Variants in CDH18 observed in about 807,000 individuals in gnomAD.
The protein encoded by CDH18 is cadherin 18.
A neutral mutation model predicts 67.9 loss-of-function variants in CDH18; 31 were observed. The observed-to-expected ratio is 0.46, with a 90% CI of 0.34 to 0.62. CDH18 has a LOEUF of 0.62. CDH18 is among the 20% of genes least tolerant of loss of function. The pLI is 0.01. For missense variants in CDH18, 890 were observed against 975.5 expected (o/e 0.91, Z 1.17); for synonymous variants, 362 against 347.2 (o/e 1.04, Z -0.48).
intron 2 of CDH18, among the ~76,000 whole-genome samples, chr5:19,852,629 C>T (rs975642084): frequency 6.6e-6 from 1 of 151,914 alleles, no homozygotes; most frequent in Non-Finnish European, 1.5e-5. Context: ...TAGTATAAGC[C>T]ATGGCATACC....
At chr5:19,861,886 T>C (rs1784947570) in intron 2 of CDH18, among the ~76,000 whole-genome samples, 1 of 152,164 alleles carries the variant, frequency 6.6e-6, no homozygotes, top group African/African-American at 2.4e-5. Flanking sequence ...TGACTGGGTA[T>C]TGAAATGATG....
In CDH18 at chr5:20,366,022, G is replaced by A. The variant is rs116603248; in HGVS notation, c.-579-110517C>T. Among the ~76,000 whole-genome samples the A allele has an allele frequency of 1.1e-3, 163 of 152,102 alleles. 2 individuals are homozygous for A. The highest frequency in any genetic ancestry group is 3.7e-3 in the African/African-American group (154 of 41,490). Reference sequence around the variant, plus strand: ...TTCACTTTTTTATAATTTATTATATGCCCATAAAATACTTCCCTGGAGTAC... The same window carrying A: ...TTCACTTTTTTATAATTTATTATATACCCATAAAATACTTCCCTGGAGTAC... On this transcript the variant is annotated intron_variant, in intron 1 of 14. Coordinates refer to the CDH18 transcript ENST00000507958.
At chr5:20,027,192 T>G (rs1738987785) in intron 2 of CDH18, among the ~76,000 whole-genome samples, 1 of 152,070 alleles carries the variant, frequency 6.6e-6, no homozygotes, top group Admixed American at 6.6e-5. Context: ...ATTAAACTTT[T>G]TACATATGAT....
intron 9 of CDH18, among the ~76,000 whole-genome samples, chr5:19,539,066 C>T (rs1450860063): frequency 6.6e-6 from 1 of 152,146 alleles, no homozygotes; most frequent in Non-Finnish European, 1.5e-5. Flanking sequence ...CATTAACAGG[C>T]AATTAAGCCA....
chr5:20,255,476 GTTC>G (rs1304532980), exon 2 of CDH18: 3 of 152,040 alleles, frequency 2.0e-5, no homozygotes, highest in African/African-American at 4.8e-5. Context: ...TTTGGTGTGT[GTTC>G]TTCTTACATA....
At chr5:20,477,433 A>T (rs1180974784) in intron 1 of CDH18, among the ~76,000 whole-genome samples, 1 of 152,212 alleles carries the variant, frequency 6.6e-6, no homozygotes, top group Admixed American at 6.5e-5. Flanking sequence ...ATTCCCTGGC[A>T]GTGGCCACAT....
At chr5:20,072,832 G>T (rs979366343) in intron 2 of CDH18, among the ~76,000 whole-genome samples, 1 of 151,758 alleles carries the variant, frequency 6.6e-6, no homozygotes, top group Non-Finnish European at 1.5e-5. Flanking sequence ...TATTTTTACA[G>T]AAATACATAT....
chr5:20,399,961 C>G (rs187883055), intron 1 of CDH18, among the ~76,000 whole-genome samples: 1 of 152,290 alleles, frequency 6.6e-6, no homozygotes, highest in African/African-American at 2.4e-5. Flanking sequence ...ACAGTGTACA[C>G]TCTTACTTTA....
intron 3 of CDH18, among the ~76,000 whole-genome samples, chr5:19,758,589 TA>T (rs1771932547): frequency 6.6e-6 from 1 of 152,196 alleles, no homozygotes. Flanking sequence ...GGTCACCCAA[TA>T]AATGGGCCAG....
chr5:20,485,020 T>G (rs1038660420), intron 1 of CDH18, among the ~76,000 whole-genome samples: 5 of 152,112 alleles, frequency 3.3e-5, no homozygotes, highest in Non-Finnish European at 5.9e-5. Flanking sequence ...TTTGAAATAA[T>G]GATATGTTTG....
intron 9 of CDH18, among the ~76,000 whole-genome samples, chr5:19,536,427 T>C (rs553817260): frequency 1.2e-4 from 18 of 152,302 alleles, no homozygotes; most frequent in Admixed American, 1.0e-3. Context: ...GTTTGGAGAC[T>C]ATGATGAAAA....
intron 1 of CDH18, among the ~76,000 whole-genome samples, chr5:20,301,097 T>C (rs561713796): frequency 1.3e-5 from 2 of 152,332 alleles, no homozygotes; most frequent in East Asian, 3.9e-4. Context: ...TGTGTCTTTT[T>C]TTCAATGAGC....
chr5:20,326,831 G>A (rs1208984759), intron 1 of CDH18, among the ~76,000 whole-genome samples: 2 of 152,226 alleles, frequency 1.3e-5, no homozygotes, highest in South Asian at 2.1e-4. Context: ...TTGAGCCACC[G>A]GGCCTGGCCA....
At chr5:19,641,142 C>CAAAAAAAAAAAAAAA (rs3062887) in intron 5 of CDH18, among the ~76,000 whole-genome samples, 1 of 112,382 alleles carries the variant, frequency 8.9e-6, no homozygotes. Context: ...CTAAATTTTT[C>CAAAAAAAAAAAAAAA]AAAAAAAAAA....
intron 1 of CDH18, among the ~76,000 whole-genome samples, chr5:20,322,682 G>A (rs1300009025): frequency 6.6e-6 from 1 of 152,064 alleles, no homozygotes; most frequent in Non-Finnish European, 1.5e-5. Flanking sequence ...TTAACTAGAA[G>A]GTTCTAAACT....
intron 2 of CDH18, among the ~76,000 whole-genome samples, chr5:20,005,771 C>G (rs775625053): frequency 5.3e-5 from 8 of 151,780 alleles, no homozygotes; most frequent in Admixed American, 3.9e-4. Flanking sequence ...GTTAATTTTG[C>G]CTAATTATAA....
chr5:19,681,780 T>C (rs1412102508), intron 5 of CDH18, among the ~76,000 whole-genome samples: 1 of 151,974 alleles, frequency 6.6e-6, no homozygotes, highest in Non-Finnish European at 1.5e-5. Context: ...CCTAACCTGT[T>C]ATAGAATATT....
intron 1 of CDH18, among the ~76,000 whole-genome samples, chr5:20,443,410 G>A (rs1188491099): frequency 6.6e-6 from 1 of 151,414 alleles, no homozygotes; most frequent in Non-Finnish European, 1.5e-5. Context: ...GATGAATATT[G>A]GTCATTGCAT....
intron 2 of CDH18, among the ~76,000 whole-genome samples, chr5:20,081,226 A>G (rs1366264398): frequency 6.6e-6 from 1 of 152,128 alleles, no homozygotes; most frequent in East Asian, 1.9e-4. Flanking sequence ...AAAACATTTA[A>G]TACCCTTAAA....
Sources: gnomAD v4.1 joint callset for allele counts (sites outside exome capture counted in the v4.1 genomes callset) on GRCh38, gnomAD v4.1.1 for gene constraint, MANE v1.5 for transcripts, NCBI Gene and HGNC (gene_info 2026-07-23, HGNC 2026-07-21) for gene names.